The following ASB3 variants were observed in gnomAD, a reference collection of about 807,000 sequenced individuals.
The protein encoded by ASB3 is ankyrin repeat and SOCS box protein 3.
In ASB3, 41 loss-of-function variants were observed where a neutral mutation model predicts 54.5. That is an observed-to-expected ratio of 0.75 (90% CI 0.59 to 0.98). The LOEUF (loss-of-function observed/expected upper bound fraction) is 0.98. Among genes scored for constraint, ASB3 ranks in the 50% least tolerant of loss-of-function variants. ASB3 has a pLI of 0.00. For missense variants in ASB3, 733 were observed against 620.0 expected (o/e 1.18, Z -1.94); for synonymous variants, 266 against 221.2 (o/e 1.20, Z -1.80).
chr2:53,781,698 T>A (rs1214664357), intron 1 of ASB3, among the ~76,000 whole-genome samples: 2 of 152,310 alleles, frequency 1.3e-5, no homozygotes, highest in Admixed American at 1.3e-4. Flanking sequence ...TTTCTCCAGG[T>A]TGGTCAGGCT....
chr2:53,774,746 C>A lies in ASB3; in HGVS notation c.-13-9161G>T, dbSNP rs1037466031. ...CTAACTTTATGTTATTGAACACTTA[C>A]TCACTAGAAGTGAGTTCTTTAGAAA... On this transcript the variant is annotated intron_variant, in intron 1 of 9. Coordinates refer to ENST00000263634, the MANE Select transcript of ASB3 (RefSeq NM_016115.5). 7 of 400,620 alleles carry A rather than the reference C, an allele frequency of 1.7e-5. No homozygotes were observed. The Admixed American group carries it at 2.0e-4, about 12-fold the overall frequency. 24.8% of individuals were successfully genotyped at this position (400,620 alleles called of 1,614,324 possible).
At chr2:53,765,624 AAAC>A (rs766781954) in intron 1 of ASB3, 39 bp from the exon 2 acceptor site, 5 of 1,611,594 alleles carry the variant, frequency 3.1e-6, no homozygotes. Context: ...ATAGTCAATA[AAAC>A]AACACTTCAC....
chr2:53,772,238 G>A (rs1309948599), intron 1 of ASB3, among the ~76,000 whole-genome samples: 2 of 152,092 alleles, frequency 1.3e-5, no homozygotes, highest in South Asian at 2.1e-4. Flanking sequence ...GCAGTGGCGC[G>A]ATCTCGGCTC....
chr2:53,768,222 C>A, intron 1 of ASB3: 1 of 584,446 alleles, frequency 1.7e-6, no homozygotes, highest in Non-Finnish European at 2.9e-6. Context: ...TCCGAAGCTG[C>A]TTAAGATGCC....
In ASB3 at chr2:53,767,846, G is replaced by A. The variant is rs375387693; in HGVS notation, c.-13-2261C>T. On this transcript the variant is annotated intron_variant, in intron 1 of 9. Coordinates refer to ENST00000263634, the MANE Select transcript of ASB3 (RefSeq NM_016115.5). Reference sequence around the variant, plus strand: ...TTCAGTCCCCGGCGGCGCGGCGACAGCTAGGGTTCACGGCCACTGGGGCAG... The same window carrying A: ...TTCAGTCCCCGGCGGCGCGGCGACAACTAGGGTTCACGGCCACTGGGGCAG... 1.7e-5 allele frequency: 27 copies of A among 1,575,406 alleles called. No homozygotes were observed. The African/African-American group carries it at 2.4e-4, about 14-fold the overall frequency.
intron 5 of ASB3, among the ~76,000 whole-genome samples, chr2:53,720,757 C>T (rs1670659780): frequency 1.3e-5 from 2 of 152,146 alleles, no homozygotes; most frequent in South Asian, 4.1e-4. Flanking sequence ...AAAGAACACT[C>T]CACTCATCAA....
At chr2:53,672,780 T>A (rs557208244) in intron 9 of ASB3, among the ~76,000 whole-genome samples, 135 of 152,350 alleles carry the variant, frequency 8.9e-4, no homozygotes, top group South Asian at 7.0e-3. Context: ...TGAAACAAGG[T>A]GAGTGCATAA....
intron 9 of ASB3, 110 bp from the exon 10 acceptor site, chr2:53,670,800 G>T (rs1161713850): frequency 1.1e-5 from 14 of 1,257,208 alleles, no homozygotes; most frequent in Non-Finnish European, 1.5e-5. Context: ...GTGATATATT[G>T]CTTGAAAGAA....
At chr2:53,766,776 G>A (rs1673488045) in intron 1 of ASB3, among the ~76,000 whole-genome samples, 1 of 152,062 alleles carries the variant, frequency 6.6e-6, no homozygotes, top group South Asian at 2.1e-4. Flanking sequence ...AGAGAAAATA[G>A]GAAAAGACTT....
In ASB3 at chr2:53,741,648, T is replaced by C. The variant is rs1018042721; in HGVS notation, c.355+9135A>G. Among the ~76,000 whole-genome samples, 43 of 152,316 alleles carry C rather than the reference T, an allele frequency of 2.8e-4. 1 individual carries two copies. The highest frequency in any genetic ancestry group is 5.6e-4 in the Non-Finnish European group (38 of 68,032). On this transcript the variant is annotated intron_variant, in intron 3 of 9. Coordinates refer to ENST00000263634, the MANE Select transcript of ASB3 (RefSeq NM_016115.5). ...TCTAGGTCTATTCACTGCTACCATA[T>C]ACTAGAATTCAAATTATTACAAAAA...
At chr2:53,776,988 GGATTTCAGGGACTTTT>G (rs1674374967) in intron 1 of ASB3, among the ~76,000 whole-genome samples, 1 of 151,926 alleles carries the variant, frequency 6.6e-6, no homozygotes, top group Non-Finnish European at 1.5e-5. Flanking sequence ...TAGCTTTATT[GGATTTCAGGGACTTTT>G]CATTCCTATG....
In ASB3 at chr2:53,700,360, A is replaced by G. The variant is rs1310625276; in HGVS notation, c.1149T>C (p.His383=). ...TATATTTTGCTTGTGCTTTAATTGC[A>G]TGATTTACAAATTCATATATATGGT... The part of the protein sequence containing the change: ...PWNHIYEFVN[H]AIKAQAKYKE... Residue 383 remains histidine, a synonymous_variant, in exon 8 of 10, where the codon CAT becomes CAC. Coordinates refer to ENST00000263634, the MANE Select transcript of ASB3 (RefSeq NM_016115.5). 3 of 1,614,006 alleles carry G rather than the reference A, an allele frequency of 1.9e-6. No homozygotes were observed. Among genetic ancestry groups the G allele is most frequent in the African/African-American group, 2.7e-5 (2 of 74,940 alleles).
chr2:53,708,289 C>T (rs1669901703), intron 7 of ASB3, among the ~76,000 whole-genome samples: 1 of 152,204 alleles, frequency 6.6e-6, no homozygotes, highest in Non-Finnish European at 1.5e-5. Flanking sequence ...AAGAAGCAGC[C>T]TGCTCTCACT....
intron 1 of ASB3, among the ~76,000 whole-genome samples, chr2:53,773,674 T>C (rs1674110819): frequency 6.6e-6 from 1 of 151,334 alleles, no homozygotes. Flanking sequence ...CGTGATCCAC[T>C]CACCTCGGCC....
chr2:53,670,748 A>G, intron 9 of ASB3, 58 bp from the exon 10 acceptor site: 4 of 1,531,736 alleles, frequency 2.6e-6, no homozygotes, highest in Non-Finnish European at 3.5e-6. Context: ...GTAATAGCAC[A>G]TAAAGGTAAA....
At chr2:53,693,478 T>A (rs189524412) in intron 9 of ASB3, among the ~76,000 whole-genome samples, 3 of 152,252 alleles carry the variant, frequency 2.0e-5, no homozygotes, top group African/African-American at 7.2e-5. Flanking sequence ...CTTTTAGATA[T>A]GATAAAATAT....
chr2:53,765,041 C>T (rs117160828), intron 2 of ASB3, among the ~76,000 whole-genome samples: 1 of 152,200 alleles, frequency 6.6e-6, no homozygotes. Flanking sequence ...AGTACAATTG[C>T]TCTTTCTGTT....
intron 3 of ASB3, among the ~76,000 whole-genome samples, chr2:53,743,140 A>G (rs1339141085): frequency 2.0e-5 from 3 of 150,572 alleles, no homozygotes; most frequent in Non-Finnish European, 4.4e-5. Flanking sequence ...TCATTATTCA[A>G]TTTAAGTGAT....
chr2:53,764,448 G>A (rs1673322753), intron 2 of ASB3, among the ~76,000 whole-genome samples: 1 of 152,108 alleles, frequency 6.6e-6, no homozygotes, highest in Middle Eastern at 3.2e-3. Flanking sequence ...ATAAAATGAG[G>A]ATAATACTGC....
Sources: allele counts gnomAD v4.1 joint callset (sites outside exome capture counted in the v4.1 genomes callset), GRCh38; gene constraint gnomAD v4.1.1; transcripts MANE v1.5; gene names NCBI Gene and HGNC (gene_info 2026-07-23, HGNC 2026-07-21).